Variants in FGF14 observed in about 807,000 individuals in gnomAD.
FGF14 encodes the protein fibroblast growth factor homologous factor 4.
FGF14 carries 5 observed loss-of-function variants against 25.5 expected under a neutral mutation model. That is an observed-to-expected ratio of 0.20 (90% confidence interval 0.10 to 0.41). FGF14 has a LOEUF of 0.41. Ranked by LOEUF, FGF14 falls within the 10% of genes least tolerant of loss-of-function variation. The pLI, the probability that FGF14 is intolerant of heterozygous loss-of-function variation, is 1.00. For missense variants in FGF14, 222 were observed against 320.1 expected, an observed-to-expected ratio of 0.69 and a Z score of 2.34; for synonymous variants, 138 against 118.3, an observed-to-expected ratio of 1.17 and a Z score of -1.08.
At chr13:101,981,226 G>A (rs1043291373) in intron 1 of FGF14, among the ~76,000 whole-genome samples, 1 of 151,874 alleles carries the variant, frequency 6.6e-6, no homozygotes, top group African/African-American at 2.4e-5. Flanking sequence ...GTTCCATTGA[G>A]CCGAGATTGC....
intron 1 of FGF14, among the ~76,000 whole-genome samples, chr13:102,161,636 A>C (rs752324701): frequency 1.9e-3 from 19 of 10,210 alleles, no homozygotes; most frequent in Non-Finnish European, 2.4e-3. Context: ...AAGAAGAAGA[A>C]GAAGAAGAAG....
At chr13:102,233,623 A>C (rs1349615164) in intron 1 of FGF14, among the ~76,000 whole-genome samples, 1 of 151,928 alleles carries the variant, frequency 6.6e-6, no homozygotes, top group African/African-American at 2.4e-5. Flanking sequence ...CTCTGGTGCA[A>C]CTCCCTAATT....
At chr13:102,236,019 A>AT (rs1566847470) in intron 1 of FGF14, among the ~76,000 whole-genome samples, 1 of 152,218 alleles carries the variant, frequency 6.6e-6, no homozygotes, top group Non-Finnish European at 1.5e-5. Context: ...GTGGAAGATA[A>AT]TAGTTACACA....
At chr13:102,176,935 G>A (rs1053478105) in intron 1 of FGF14, among the ~76,000 whole-genome samples, 1 of 152,136 alleles carries the variant, frequency 6.6e-6, no homozygotes, top group African/African-American at 2.4e-5. Context: ...TATACTAGTT[G>A]TCCCTCATTA....
At chr13:102,057,360 G>A (rs2042478346) in intron 1 of FGF14, among the ~76,000 whole-genome samples, 1 of 152,152 alleles carries the variant, frequency 6.6e-6, no homozygotes, top group South Asian at 2.1e-4. Context: ...ATACATTTCA[G>A]TCAACAGTGA....
chr13:101,949,983 G>A (rs2036051074), intron 1 of FGF14, among the ~76,000 whole-genome samples: 1 of 148,328 alleles, frequency 6.7e-6, no homozygotes, highest in Non-Finnish European at 1.5e-5. Flanking sequence ...GAGAGGTGAT[G>A]AGGCAAGTTT....
At chr13:101,799,072 A>T (rs921990907) in intron 3 of FGF14, among the ~76,000 whole-genome samples, 4 of 152,168 alleles carry the variant, frequency 2.6e-5, no homozygotes, top group Admixed American at 2.6e-4. Context: ...TATTTGCTGC[A>T]TACGAATGAC....
chr13:102,391,729 A>G (rs1469585151), intron 1 of FGF14, among the ~76,000 whole-genome samples: 1 of 152,232 alleles, frequency 6.6e-6, no homozygotes, highest in Non-Finnish European at 1.5e-5. Flanking sequence ...ATGAAGGAGG[A>G]AAGAGCATAT....
chr13:102,073,664 T>C (rs2043237405), intron 1 of FGF14, among the ~76,000 whole-genome samples: 1 of 152,220 alleles, frequency 6.6e-6, no homozygotes, highest in Non-Finnish European at 1.5e-5. Flanking sequence ...ATTAGTTGAC[T>C]AAATCTTTCA....
chr13:102,303,414 T>G (rs1438704111), intron 1 of FGF14, among the ~76,000 whole-genome samples: 1 of 152,186 alleles, frequency 6.6e-6, no homozygotes, highest in Non-Finnish European at 1.5e-5. Context: ...GATTTGATCA[T>G]TTTTTTCAGT....
At chr13:101,745,174 C>T (rs2036807680) in intron 3 of FGF14, among the ~76,000 whole-genome samples, 1 of 151,962 alleles carries the variant, frequency 6.6e-6, no homozygotes, top group Admixed American at 6.6e-5. Context: ...TCTGCGAGTG[C>T]TTTAGTAAGG....
At chr13:102,070,452 C>T (rs551142636) in intron 1 of FGF14, among the ~76,000 whole-genome samples, 25 of 152,278 alleles carry the variant, frequency 1.6e-4, no homozygotes, top group South Asian at 4.1e-4. Context: ...TTACAACAAC[C>T]ACTGTAGAGA....
intron 1 of FGF14, among the ~76,000 whole-genome samples, chr13:102,198,578 C>T (rs1166463331): frequency 6.6e-6 from 1 of 152,148 alleles, no homozygotes; most frequent in Non-Finnish European, 1.5e-5. Context: ...CGGAGCGTCC[C>T]TCTGAGTAAG....
At chr13:101,734,556 T>A (rs896382348) in intron 3 of FGF14, among the ~76,000 whole-genome samples, 2 of 152,188 alleles carry the variant, frequency 1.3e-5, no homozygotes, top group Non-Finnish European at 2.9e-5. Flanking sequence ...AAAATAAATA[T>A]GCTCAAGAAA....
rs551114802 is a variant in FGF14 at position 101,892,642 on chromosome 13, G to C, written c.194-17346C>G. On this transcript the variant is annotated intron_variant, in intron 1 of 4. Coordinates refer to ENST00000376143, the MANE Select transcript of FGF14 (RefSeq NM_004115.4). Reference sequence around the variant, plus strand: ...TCCCATATTCATCCTAAAATCTCCAGGAACAAAATCTAACATTTGACAGTA... The same window carrying C: ...TCCCATATTCATCCTAAAATCTCCACGAACAAAATCTAACATTTGACAGTA... 2.0e-5 allele frequency among the ~76,000 whole-genome samples: 3 copies of C among 152,236 alleles called. No individual in the cohort carries two copies. The South Asian group carries it at 6.2e-4, about 32-fold the overall frequency.
At chr13:102,103,494 C>T (rs1171710935) in intron 1 of FGF14, among the ~76,000 whole-genome samples, 1 of 151,762 alleles carries the variant, frequency 6.6e-6, no homozygotes, top group Non-Finnish European at 1.5e-5. Context: ...GTACAGTGCA[C>T]CTCAGGTTAT....
At chr13:101,724,600 ATATATAT>A (rs2035255455) in intron 4 of FGF14, among the ~76,000 whole-genome samples, 1 of 5,430 alleles carries the variant, frequency 1.8e-4, no homozygotes, top group Non-Finnish European at 3.2e-4. Flanking sequence ...ATAATAAAAT[ATATATAT>A]ATATATATAT....
intron 3 of FGF14, among the ~76,000 whole-genome samples, chr13:101,770,194 G>A (rs561827013): frequency 9.9e-5 from 15 of 152,086 alleles, no homozygotes; most frequent in Middle Eastern, 3.4e-3. Context: ...CATTCACAAC[G>A]GAAGAATCAC....
chr13:102,030,644 G>A (rs556311743), intron 1 of FGF14, among the ~76,000 whole-genome samples: 13 of 151,956 alleles, frequency 8.6e-5, no homozygotes, highest in African/African-American at 1.2e-4. Flanking sequence ...GAGTCCAGGC[G>A]TACGGCTTCA....
Sources: gnomAD v4.1 joint callset for allele counts (sites outside exome capture counted in the v4.1 genomes callset) on GRCh38, gnomAD v4.1.1 for gene constraint, MANE v1.5 for transcripts, NCBI Gene and HGNC (gene_info 2026-07-23, HGNC 2026-07-21) for gene names.